ZNF827: variants seen among roughly 807,000 people sequenced by gnomAD.
ZNF827 encodes zinc finger protein 827.
ZNF827 carries 13 observed loss-of-function variants against 102.4 expected under a neutral mutation model. The ratio of observed to expected loss-of-function variants is 0.13; its 90% confidence interval spans 0.08 to 0.20. ZNF827 has a LOEUF of 0.20. Ranked by LOEUF, ZNF827 falls within the 10% of genes least tolerant of loss-of-function variation. The pLI is 1.00. For synonymous variants in ZNF827, 523 were observed against 536.2 expected (o/e 0.98, Z 0.34); for missense variants, 1,103 against 1,344.4 (o/e 0.82, Z 2.81).
intron 7 of ZNF827, among the ~76,000 whole-genome samples, chr4:145,844,997 C>T (rs564155465): frequency 6.6e-6 from 1 of 152,302 alleles, no homozygotes; most frequent in South Asian, 2.1e-4. Context: ...CTCAGGAAAG[C>T]AAAGTTCCTT....
intron 8 of ZNF827, among the ~76,000 whole-genome samples, chr4:145,790,341 A>G (rs1268506771): frequency 6.6e-6 from 1 of 152,210 alleles, no homozygotes; most frequent in African/African-American, 2.4e-5. Flanking sequence ...AAAGGAATAA[A>G]CTAAATGAAA....
chr4:145,895,044 TAAAC>T (rs557090165), intron 2 of ZNF827, among the ~76,000 whole-genome samples: 40 of 152,158 alleles, frequency 2.6e-4, no homozygotes, highest in Non-Finnish European at 5.0e-4. Context: ...AGGAAAGAGA[TAAAC>T]AAACAGGCTG....
intron 8 of ZNF827, among the ~76,000 whole-genome samples, chr4:145,814,356 A>G (rs981681759): frequency 6.6e-6 from 1 of 152,156 alleles, no homozygotes; most frequent in Admixed American, 6.5e-5. Flanking sequence ...GTTGGCCCAC[A>G]TGTATGGTAG....
chr4:145,889,891 C>T (rs969533278), intron 3 of ZNF827, among the ~76,000 whole-genome samples: 2 of 151,562 alleles, frequency 1.3e-5, no homozygotes, highest in Non-Finnish European at 2.9e-5. Context: ...GCAGGAGAAT[C>T]GCTTAGAGCC....
At chr4:145,797,678 G>T (rs997110619) in intron 8 of ZNF827, among the ~76,000 whole-genome samples, 1 of 152,080 alleles carries the variant, frequency 6.6e-6, no homozygotes, top group Non-Finnish European at 1.5e-5. Flanking sequence ...TTTTCTTGTT[G>T]GAGGAATTAA....
chr4:145,898,632 T>A (rs1751162821), intron 2 of ZNF827, among the ~76,000 whole-genome samples: 1 of 152,210 alleles, frequency 6.6e-6, no homozygotes, highest in Non-Finnish European at 1.5e-5. Flanking sequence ...AGGAGCCGTG[T>A]AGCATGTGCT....
chr4:145,906,953 T>C (rs536081141), intron 1 of ZNF827: 43 of 423,186 alleles, frequency 1.0e-4, no homozygotes, highest in Non-Finnish European at 1.9e-4. Flanking sequence ...GCTACTGAAA[T>C]TGAGGTTATT....
intron 8 of ZNF827, among the ~76,000 whole-genome samples, chr4:145,788,276 A>G (rs1248557676): frequency 6.6e-6 from 1 of 152,204 alleles, no homozygotes; most frequent in Non-Finnish European, 1.5e-5. Flanking sequence ...TTAAATCAAT[A>G]GTAGAAAACT....
intron 1 of ZNF827, among the ~76,000 whole-genome samples, chr4:145,911,366 G>A (rs991542128): frequency 2.0e-5 from 3 of 152,136 alleles, no homozygotes; most frequent in African/African-American, 4.8e-5. Context: ...TCCAGGTACC[G>A]ACATGCTTTG....
Position 145,774,601 on chromosome 4 carries a change from T to C in ZNF827, c.2765A>G (p.Lys922Arg). The C allele has an allele frequency of 6.2e-7, 1 of 1,613,716 alleles. No homozygotes were observed. The highest frequency in any genetic ancestry group is 2.2e-5 in the East Asian group (1 of 44,872). ...FVSHMSLHVDKEQWMFSICCT... is the reference protein window; with the variant it reads ...FVSHMSLHVDREQWMFSICCT... ...GCAGATCGAAAACATCCACTGCTCC[T>C]TGTCCACGTGGAGTGACATGTGGCT... The change falls in exon 11 of 15, where the codon AAG (lysine) becomes AGG (arginine). Residue 922 changes from lysine to arginine, a missense_variant. Lys to Arg is a conservative substitution (Grantham distance 26). Around this residue, in one of 5 missense-constraint regions of ZNF827, gnomAD observed 242 missense variants for 361.9 expected, o/e 0.67. Coordinates refer to ENST00000508784, the MANE Select transcript of ZNF827 (RefSeq NM_001306215.2).
At chr4:145,882,916 T>C (rs1385148862) in intron 4 of ZNF827, among the ~76,000 whole-genome samples, 1 of 152,146 alleles carries the variant, frequency 6.6e-6, no homozygotes, top group Non-Finnish European at 1.5e-5. Context: ...CATTTGATGA[T>C]GGGAAGAGCT....
At position 145,762,226 on chromosome 4, in the gene ZNF827, A is replaced by G. The variant is rs1293989937; in HGVS notation, c.*18-628T>C. ...GTACATATCTATGTACTCGTAAAAC[A>G]TATCTCCCTACAGGACTAGCTCTTT... is the stretch of plus-strand genomic sequence containing the variant. On this transcript the variant is annotated intron_variant, in intron 14 of 14. Transcript: ENST00000508784. This position sits in a 1 kb window ranked among gnomAD's most constrained non-coding sequence, Gnocchi z 4.9. Among the ~76,000 whole-genome samples, 1 of 152,088 alleles carries G rather than the reference A, an allele frequency of 6.6e-6. No individual in the cohort carries two copies. Among genetic ancestry groups the G allele is most frequent in the Non-Finnish European group, 1.5e-5 (1 of 68,026 alleles).
intron 1 of ZNF827, among the ~76,000 whole-genome samples, chr4:145,906,298 T>A (rs769468894): frequency 7.2e-5 from 11 of 152,212 alleles, no homozygotes; most frequent in Non-Finnish European, 1.5e-4. Flanking sequence ...ACCTCTTGAA[T>A]CAGAAATCAG....
rs138271317 is a variant in ZNF827 at position 145,871,660 on chromosome 4, C to T, written c.1748-1182G>A. The stretch of plus-strand genomic sequence containing the variant: ...AGAATGAGCCTTAAGTCCATTCCAT[C>T]TTAACAGACAAAAAGATAAAAATAA... On this transcript the variant is annotated intron_variant, in intron 4 of 14. Transcript: ENST00000508784. 3.3e-5 allele frequency among the ~76,000 whole-genome samples: 5 copies of T among 152,318 alleles called. No individual in the cohort carries two copies. The East Asian group carries it at 9.6e-4, about 29-fold the overall frequency.
chr4:145,937,184 C>T (rs1754250051), intron 1 of ZNF827, among the ~76,000 whole-genome samples: 2 of 151,790 alleles, frequency 1.3e-5, no homozygotes, highest in South Asian at 4.2e-4. Context: ...AGTTAAGAGT[C>T]GCGCAAAGAA....
intron 1 of ZNF827, among the ~76,000 whole-genome samples, chr4:145,931,836 A>C (rs1424912907): frequency 6.6e-6 from 1 of 152,206 alleles, no homozygotes; most frequent in Non-Finnish European, 1.5e-5. Context: ...CCAGCCATAG[A>C]AACAGGTATA....
intron 6 of ZNF827, among the ~76,000 whole-genome samples, chr4:145,846,237 G>A (rs1745921175): frequency 6.6e-6 from 1 of 152,144 alleles, no homozygotes; most frequent in African/African-American, 2.4e-5. Context: ...CCAGCACTTT[G>A]GGAGGCTGAG....
chr4:145,824,497 A>G (rs1441372349), intron 7 of ZNF827, among the ~76,000 whole-genome samples: 2 of 152,274 alleles, frequency 1.3e-5, no homozygotes, highest in African/African-American at 4.8e-5. Context: ...AAGGGCAGGA[A>G]GCCATTGCCA....
intron 8 of ZNF827, among the ~76,000 whole-genome samples, chr4:145,781,195 C>CAAAAAAACAAAAAAAAAAAA (rs1737943975): frequency 1.8e-5 from 1 of 56,548 alleles, no homozygotes; most frequent in African/African-American, 8.0e-5. Flanking sequence ...GACACCATCT[C>CAAAAAAACAAAAAAAAAAAA]AAAAAAAAAA....
Sources: allele counts gnomAD v4.1 joint callset (sites outside exome capture counted in the v4.1 genomes callset), GRCh38; gene constraint gnomAD v4.1.1; regional missense constraint gnomAD v4.1.1; non-coding constraint Gnocchi (gnomAD v3.1); transcripts MANE v1.5; gene names NCBI Gene and HGNC (gene_info 2026-07-23, HGNC 2026-07-21).